Variants in FHIT observed in about 807,000 individuals in gnomAD.
The protein encoded by FHIT is fragile histidine triad diadenosine triphosphatase, also known as bis(5'-adenosyl)-triphosphatase.
In FHIT, 19 loss-of-function variants were observed where a neutral mutation model predicts 17.9. The ratio of observed to expected loss-of-function variants is 1.06; its 90% CI spans 0.74 to 1.56. The LOEUF (loss-of-function observed/expected upper bound fraction) is 1.56, where lower values mean the gene tolerates loss of function less well. FHIT is among the 40% of genes most tolerant of loss of function. The pLI is 0.00. For missense variants in FHIT, 248 were observed against 189.2 expected (o/e 1.31, Z -1.82); for synonymous variants, 81 against 69.7 (o/e 1.16, Z -0.81).
chr3:61,239,776 T>TATATATATATATATATATATATAC (rs1560104308), intron 1 of FHIT, among the ~76,000 whole-genome samples: 6 of 138,598 alleles, frequency 4.3e-5, no homozygotes, highest in African/African-American at 1.4e-4. Context: ...TATATATATA[T>TATATATATATATATATATATATAC]ATATATATAC....
At chr3:61,202,436 T>A (rs2039053356) in intron 1 of FHIT, among the ~76,000 whole-genome samples, 1 of 151,704 alleles carries the variant, frequency 6.6e-6, no homozygotes. Flanking sequence ...AAGTGTGAAG[T>A]GACAGCCTTG....
At chr3:61,021,454 C>A (rs2032425501) in intron 3 of FHIT, among the ~76,000 whole-genome samples, 1 of 142,424 alleles carries the variant, frequency 7.0e-6, no homozygotes, top group Non-Finnish European at 1.6e-5. Context: ...AAAAAATTAG[C>A]CGGGCGTAGC....
intron 1 of FHIT, among the ~76,000 whole-genome samples, chr3:61,229,345 G>A (rs1179919592): frequency 6.6e-6 from 1 of 152,170 alleles, no homozygotes; most frequent in East Asian, 1.9e-4. Flanking sequence ...GCCACCAGAA[G>A]CTAGAAGAGG....
chr3:60,384,608 A>G (rs1240457185), intron 5 of FHIT, among the ~76,000 whole-genome samples: 1 of 152,142 alleles, frequency 6.6e-6, no homozygotes, highest in Non-Finnish European at 1.5e-5. Context: ...TCATGGACAT[A>G]AACAAAACGT....
chr3:60,135,758 C>T (rs17379746), intron 5 of FHIT, among the ~76,000 whole-genome samples: 14,153 of 152,120 alleles, frequency 0.093, 754 homozygotes, highest in African/African-American at 0.14. Flanking sequence ...GAAGCAACTT[C>T]TTTGAAATCA....
chr3:59,830,196 C>T (rs1023186500), intron 8 of FHIT, among the ~76,000 whole-genome samples: 16 of 152,142 alleles, frequency 1.1e-4, no homozygotes, highest in African/African-American at 3.9e-4. Flanking sequence ...AAATCAACTG[C>T]TAAGATAACC....
At chr3:60,566,580 T>G (rs2037142409) in intron 4 of FHIT, among the ~76,000 whole-genome samples, 1 of 152,022 alleles carries the variant, frequency 6.6e-6, no homozygotes, top group African/African-American at 2.4e-5. Context: ...ACCACTCCTA[T>G]TCAACATAGT....
intron 7 of FHIT, among the ~76,000 whole-genome samples, chr3:59,998,421 G>T (rs1699601416): frequency 6.6e-6 from 1 of 152,060 alleles, no homozygotes; most frequent in African/African-American, 2.4e-5. Context: ...CACCAGAGAG[G>T]AAAAGCCTAG....
intron 5 of FHIT, among the ~76,000 whole-genome samples, chr3:60,170,530 A>G (rs542511047): frequency 1.3e-5 from 2 of 152,290 alleles, no homozygotes; most frequent in African/African-American, 4.8e-5. Context: ...TTTGCTCACC[A>G]GTGTGACCCC....
intron 5 of FHIT, among the ~76,000 whole-genome samples, chr3:60,115,464 G>C (rs897581555): frequency 6.6e-6 from 1 of 152,056 alleles, no homozygotes; most frequent in South Asian, 2.1e-4. Flanking sequence ...CGGTAATTTT[G>C]TTGGAAAAAT....
rs149639046 is a variant in FHIT, at chr3:60,919,642, C to A, written c.-110-97631G>T. On this transcript the variant is annotated intron_variant, in intron 3 of 9. Coordinates refer to ENST00000492590, the MANE Select transcript of FHIT (RefSeq NM_002012.4). Reference sequence around the variant, plus strand: ...GTAGGAAAGGATAAATTGAAGATAACCAATATACAAACAAGGCTATTTTCA... The same window carrying A: ...GTAGGAAAGGATAAATTGAAGATAAACAATATACAAACAAGGCTATTTTCA... Among the ~76,000 whole-genome samples, 62 of 152,212 alleles carry A rather than the reference C, an allele frequency of 4.1e-4. No homozygotes were observed. The East Asian group carries it at 0.011, about 28-fold the overall frequency.
chr3:59,887,238 A>G (rs575810142), intron 8 of FHIT, among the ~76,000 whole-genome samples: 1 of 152,272 alleles, frequency 6.6e-6, no homozygotes, highest in South Asian at 2.1e-4. Flanking sequence ...ATTAAAAACG[A>G]ACCAGAGCAA....
chr3:60,802,836 A>G (rs1701240049), intron 4 of FHIT, among the ~76,000 whole-genome samples: 1 of 152,144 alleles, frequency 6.6e-6, no homozygotes, highest in Admixed American at 6.5e-5. Flanking sequence ...CTTGTTTCCC[A>G]GCAATCTATG....
intron 5 of FHIT, among the ~76,000 whole-genome samples, chr3:60,526,611 G>A (rs1400871508): frequency 2.6e-5 from 4 of 152,112 alleles, no homozygotes; most frequent in South Asian, 2.1e-4. Flanking sequence ...TGCTACTACA[G>A]GCCTCTCCAA....
intron 3 of FHIT, among the ~76,000 whole-genome samples, chr3:61,007,483 C>T (rs1559904939): frequency 6.6e-6 from 1 of 152,192 alleles, no homozygotes; most frequent in Non-Finnish European, 1.5e-5. Flanking sequence ...TATTTGAGAA[C>T]TACTAACTTC....
chr3:60,528,026 T>G (rs962958790), intron 5 of FHIT, among the ~76,000 whole-genome samples: 1 of 152,180 alleles, frequency 6.6e-6, no homozygotes, highest in South Asian at 2.1e-4. Flanking sequence ...CAGGCTAGAG[T>G]GCAGAGGTGC....
At chr3:60,207,478 G>T (rs552187275) in intron 5 of FHIT, among the ~76,000 whole-genome samples, 25 of 151,882 alleles carry the variant, frequency 1.6e-4, no homozygotes, top group African/African-American at 5.6e-4. Context: ...AATCCTGTTT[G>T]TTCTGAATTA....
At chr3:60,237,956 T>C (rs537443815) in intron 5 of FHIT, among the ~76,000 whole-genome samples, 1 of 151,610 alleles carries the variant, frequency 6.6e-6, no homozygotes, top group African/African-American at 2.4e-5. Context: ...GCCAACATGG[T>C]GAAACTCCAT....
At chr3:60,996,660 C>T (rs2030697859) in intron 3 of FHIT, among the ~76,000 whole-genome samples, 1 of 152,174 alleles carries the variant, frequency 6.6e-6, no homozygotes, top group Non-Finnish European at 1.5e-5. Context: ...TACATATAAT[C>T]AACATTAACC....
Sources: allele counts gnomAD v4.1 joint callset (sites outside exome capture counted in the v4.1 genomes callset), GRCh38; gene constraint gnomAD v4.1.1; transcripts MANE v1.5; gene names NCBI Gene and HGNC (gene_info 2026-07-23, HGNC 2026-07-21).